Variants in ZRANB3 observed in about 807,000 individuals in gnomAD.
ZRANB3 encodes zinc finger RANBP2-type containing 3, also known as DNA annealing helicase and endonuclease ZRANB3.
Under a neutral mutation model 133.8 loss-of-function variants are expected in ZRANB3, and 125 were observed. The ratio of observed to expected loss-of-function variants is 0.93; its 90% CI spans 0.81 to 1.08. The LOEUF is 1.08. Among genes scored for constraint, ZRANB3 ranks in the 50% least tolerant of loss-of-function variants. ZRANB3 has a pLI of 0.00. For missense variants in ZRANB3, 1,229 were observed against 1,275.5 expected (o/e 0.96, Z 0.56); for synonymous variants, 387 against 432.7 (o/e 0.89, Z 1.31).
intron 1 of ZRANB3, among the ~76,000 whole-genome samples, chr2:135,514,197 T>C (rs1048888683): frequency 6.6e-6 from 1 of 152,198 alleles, no homozygotes; most frequent in Admixed American, 6.5e-5. Context: ...GGTAGCTTGA[T>C]GGGGATAGCA....
At chr2:135,404,122 GAGA>G (rs1398053903) in intron 2 of ZRANB3, among the ~76,000 whole-genome samples, 3 of 152,200 alleles carry the variant, frequency 2.0e-5, no homozygotes, top group South Asian at 2.1e-4. Context: ...GACGAGGTGA[GAGA>G]AGAAGGCTTC....
At chr2:135,336,375 TA>T (rs1684371436) in intron 6 of ZRANB3, among the ~76,000 whole-genome samples, 1 of 152,214 alleles carries the variant, frequency 6.6e-6, no homozygotes, top group South Asian at 2.1e-4. Flanking sequence ...TAGAACTGAA[TA>T]ACTAACCAAA....
At chr2:135,483,918 G>T (rs533911670) in intron 2 of ZRANB3, among the ~76,000 whole-genome samples, 1 of 152,092 alleles carries the variant, frequency 6.6e-6, no homozygotes, top group Non-Finnish European at 1.5e-5. Flanking sequence ...GTAGTTGAGC[G>T]GTTTTGAGTG....
rs1694821441 is a variant in ZRANB3, at chr2:135,227,911, G to A, written c.2059C>T (p.Gln687Ter). 1.3e-6 allele frequency: 2 copies of A among 1,559,782 alleles called. No homozygotes were observed. The highest frequency in any genetic ancestry group is 1.4e-5 in the African/African-American group (1 of 73,674). The change falls in exon 14 of 21, where the codon CAA becomes TAA. Residue 687 changes from glutamine to a stop codon, truncating the protein, a stop_gained. Transcript: ENST00000264159. LOFTEE classifies it high-confidence loss of function. ...KVQTISDCEK[Q>*]ALAQSEPGQL... The stretch of plus-strand genomic sequence containing the variant: ...CCAGGTTCTGACTGTGCAAGGGCTT[G>A]TTTTTCACAGTCTGAGATAGTTTGA...
intron 2 of ZRANB3, among the ~76,000 whole-genome samples, chr2:135,457,250 T>C (rs1302852978): frequency 1.3e-5 from 2 of 152,180 alleles, no homozygotes; most frequent in Non-Finnish European, 2.9e-5. Context: ...ACATGAAAAA[T>C]AGTGAAAGAC....
intron 12 of ZRANB3, among the ~76,000 whole-genome samples, chr2:135,238,251 T>C (rs1695391328): frequency 6.6e-6 from 1 of 152,234 alleles, no homozygotes; most frequent in Non-Finnish European, 1.5e-5. Flanking sequence ...CCAATTCTTA[T>C]GTCATTTCAC....
intron 8 of ZRANB3, among the ~76,000 whole-genome samples, chr2:135,276,576 G>A (rs1680838460): frequency 6.6e-6 from 1 of 152,164 alleles, no homozygotes; most frequent in Non-Finnish European, 1.5e-5. Flanking sequence ...TAAAATCTAT[G>A]TATCTTTTAA....
intron 2 of ZRANB3, among the ~76,000 whole-genome samples, chr2:135,411,130 C>A (rs950629656): frequency 7.2e-5 from 11 of 152,066 alleles, no homozygotes; most frequent in Non-Finnish European, 1.6e-4. Flanking sequence ...GTCACAGCTA[C>A]TTGGGGGCTG....
intron 2 of ZRANB3, among the ~76,000 whole-genome samples, chr2:135,444,675 T>G (rs576199269): frequency 3.3e-5 from 5 of 152,204 alleles, no homozygotes; most frequent in Admixed American, 6.5e-5. Context: ...AAGGATTGAC[T>G]GAGTACAAAG....
At chr2:135,214,785 G>T (rs929647894) in intron 17 of ZRANB3, among the ~76,000 whole-genome samples, 1 of 152,096 alleles carries the variant, frequency 6.6e-6, no homozygotes, top group African/African-American at 2.4e-5. Context: ...CACGCCCATG[G>T]GAAAAAAATC....
At chr2:135,284,919 C>T (rs1489791133) in intron 8 of ZRANB3, among the ~76,000 whole-genome samples, 6 of 151,292 alleles carry the variant, frequency 4.0e-5, no homozygotes, top group African/African-American at 9.7e-5. Context: ...ACTCTTGGCT[C>T]GCTGCAATCT....
At chr2:135,351,485 C>T (rs1311026419) in intron 4 of ZRANB3, among the ~76,000 whole-genome samples, 1 of 152,056 alleles carries the variant, frequency 6.6e-6, no homozygotes, top group Non-Finnish European at 1.5e-5. Context: ...TTGTGATCCG[C>T]CCGCCCTGGC....
At chr2:135,465,686 A>G (rs1347245333) in intron 2 of ZRANB3, among the ~76,000 whole-genome samples, 2 of 152,242 alleles carry the variant, frequency 1.3e-5, no homozygotes, top group Non-Finnish European at 2.9e-5. Flanking sequence ...ATTAAACTAA[A>G]GAGCTTCTGC....
intron 8 of ZRANB3, among the ~76,000 whole-genome samples, chr2:135,294,147 T>C (rs1437669828): frequency 6.6e-6 from 1 of 152,216 alleles, no homozygotes; most frequent in Non-Finnish European, 1.5e-5. Context: ...TTTCTATTGA[T>C]TGGAATAGTT....
chr2:135,487,754 C>A (rs1439289216), intron 2 of ZRANB3, among the ~76,000 whole-genome samples: 1 of 152,220 alleles, frequency 6.6e-6, no homozygotes, highest in African/African-American at 2.4e-5. Flanking sequence ...TGGAATTAGG[C>A]TTTGGTATAC....
intron 2 of ZRANB3, among the ~76,000 whole-genome samples, chr2:135,428,581 G>A (rs1304966862): frequency 6.6e-6 from 1 of 152,096 alleles, no homozygotes; most frequent in Non-Finnish European, 1.5e-5. Flanking sequence ...AGAATTTTGG[G>A]AGAAAATATC....
chr2:135,447,910 G>A (rs1690095169), intron 2 of ZRANB3, among the ~76,000 whole-genome samples: 1 of 152,120 alleles, frequency 6.6e-6, no homozygotes, highest in African/African-American at 2.4e-5. Context: ...TGTACCAGAA[G>A]CCATATTCTT....
chr2:135,399,392 A>C (rs763431861), intron 2 of ZRANB3, among the ~76,000 whole-genome samples: 10 of 152,214 alleles, frequency 6.6e-5, no homozygotes, highest in African/African-American at 2.4e-4. Context: ...ATCGACAAAA[A>C]TTCACAGGTT....
chr2:135,266,744 G>A (rs537893644), intron 11 of ZRANB3, among the ~76,000 whole-genome samples: 8 of 151,314 alleles, frequency 5.3e-5, no homozygotes, highest in South Asian at 2.1e-4. Flanking sequence ...CAGCCTGGGC[G>A]ATAGAGCAAG....
Sources: gnomAD v4.1 joint callset for allele counts (sites outside exome capture counted in the v4.1 genomes callset) on GRCh38, gnomAD v4.1.1 for gene constraint, MANE v1.5 for transcripts, NCBI Gene and HGNC (gene_info 2026-07-23, HGNC 2026-07-21) for gene names.